SPON1: variants seen among roughly 807,000 people sequenced by gnomAD.
The protein encoded by SPON1 is spondin 1, also known as spondin-1.
In SPON1, 52 loss-of-function variants were observed where a neutral mutation model predicts 111.7. The observed-to-expected ratio is 0.47, with a 90% confidence interval of 0.37 to 0.59. The LOEUF (loss-of-function observed/expected upper bound fraction) is 0.59, where lower values mean the gene tolerates loss of function less well. SPON1 is among the 20% of genes least tolerant of loss of function. SPON1 has a pLI of 0.00. For missense variants in SPON1, 957 were observed against 1,068.5 expected, an observed-to-expected ratio of 0.90 and a Z score of 1.46; for synonymous variants, 410 against 395.8, an observed-to-expected ratio of 1.04 and a Z score of -0.43.
At chr11:14,137,086 A>T (rs1374413626) in intron 6 of SPON1, among the ~76,000 whole-genome samples, 1 of 152,242 alleles carries the variant, frequency 6.6e-6, no homozygotes, top group Non-Finnish European at 1.5e-5. Flanking sequence ...ATCAGGGTCA[A>T]GGGCATCTTC....
chr11:14,030,652 G>A (rs7112850), intron 2 of SPON1, among the ~76,000 whole-genome samples: 44,799 of 152,100 alleles, frequency 0.29, 7,775 homozygotes, highest in South Asian at 0.5. Context: ...AAACTACAAC[G>A]AGGCACCACC....
chr11:14,235,917 G>A (rs557658430), intron 6 of SPON1, among the ~76,000 whole-genome samples: 31 of 152,256 alleles, frequency 2.0e-4, no homozygotes, highest in African/African-American at 7.5e-4. Context: ...TCCAGGCACA[G>A]GGAACAGCAA....
intron 2 of SPON1, among the ~76,000 whole-genome samples, chr11:14,041,310 G>A (rs1440461095): frequency 2.6e-5 from 4 of 152,140 alleles, no homozygotes; most frequent in African/African-American, 4.8e-5. Context: ...GAGCAAAGAT[G>A]TGCCCAGTCT....
At chr11:14,028,105 C>A (rs1266215629) in intron 2 of SPON1, among the ~76,000 whole-genome samples, 1 of 152,146 alleles carries the variant, frequency 6.6e-6, no homozygotes, top group Non-Finnish European at 1.5e-5. Context: ...TTGCTAGTCC[C>A]AGTTTCTGAA....
intron 5 of SPON1, among the ~76,000 whole-genome samples, chr11:14,110,455 A>T (rs1203296631): frequency 6.6e-6 from 1 of 152,188 alleles, no homozygotes; most frequent in East Asian, 1.9e-4. Context: ...AATAAGATAT[A>T]TGTATATAAA....
At chr11:13,986,973 T>C (rs80330543) in intron 2 of SPON1, among the ~76,000 whole-genome samples, 1 of 152,342 alleles carries the variant, frequency 6.6e-6, no homozygotes, top group South Asian at 2.1e-4. Flanking sequence ...TTGATGGACA[T>C]TTGGGTTGGT....
chr11:14,064,008 A>G (rs1848811942), intron 3 of SPON1, among the ~76,000 whole-genome samples: 2 of 152,206 alleles, frequency 1.3e-5, no homozygotes, highest in African/African-American at 4.8e-5. Flanking sequence ...GCTTCTTGCC[A>G]GATTGTGGAC....
Position 14,035,241 on chromosome 11 carries a change from A to G in SPON1, c.346-6280A>G, listed in dbSNP as rs187590307. Among the ~76,000 whole-genome samples the G allele has an allele frequency of 1.6e-3, 238 of 152,232 alleles. 3 individuals are homozygous for G. The highest frequency in any genetic ancestry group is 0.01 in the Middle Eastern group (3 of 294). On this transcript the variant is annotated intron_variant, in intron 2 of 15. Coordinates refer to ENST00000576479, the MANE Select transcript of SPON1 (RefSeq NM_006108.4). Reference sequence around the variant, plus strand: ...TGGCACTATTAGGAGGGACTGTAGCATAGGGGAAAGAGCATGGACATTATG... The same window carrying G: ...TGGCACTATTAGGAGGGACTGTAGCGTAGGGGAAAGAGCATGGACATTATG...
chr11:14,102,938 T>C (rs1554924521), intron 5 of SPON1, among the ~76,000 whole-genome samples: 1 of 152,242 alleles, frequency 6.6e-6, no homozygotes. Flanking sequence ...GGTCCATCTG[T>C]TGCAATAAGC....
At chr11:14,179,197 C>T (rs1045149850) in intron 6 of SPON1, among the ~76,000 whole-genome samples, 3 of 152,086 alleles carry the variant, frequency 2.0e-5, no homozygotes. Context: ...ATGAAGAAAG[C>T]GTCATTCAGC....
At chr11:14,073,091 G>A (rs534010020) in intron 3 of SPON1, among the ~76,000 whole-genome samples, 1 of 152,100 alleles carries the variant, frequency 6.6e-6, no homozygotes, top group South Asian at 2.1e-4. Flanking sequence ...CAAAATTCAT[G>A]CACGTTTCAA....
chr11:14,057,096 T>C (rs1375973001), intron 3 of SPON1, among the ~76,000 whole-genome samples: 1 of 152,046 alleles, frequency 6.6e-6, no homozygotes, highest in African/African-American at 2.4e-5. Flanking sequence ...AATTGGAAAG[T>C]TTGATAAGGA....
At chr11:14,255,826 G>T in intron 9 of SPON1, 39 bp downstream of exon 9, 2 of 1,603,004 alleles carry the variant, frequency 1.2e-6, no homozygotes, top group Non-Finnish European at 8.5e-7. Context: ...GACCTTTCCC[G>T]GTAGGAGTGC....
rs1554928036 is a variant in SPON1 at position 14,135,912 on chromosome 11, C to T, written c.825+344C>T. Among the ~76,000 whole-genome samples the T allele has an allele frequency of 6.6e-6, 1 of 152,194 alleles. No individual in the cohort carries two copies. The highest frequency in any genetic ancestry group is 2.4e-5 in the African/African-American group (1 of 41,444). On this transcript the variant is annotated intron_variant, in intron 6 of 15. Transcript: ENST00000576479. This position sits in a 1 kb window ranked among gnomAD's most constrained non-coding sequence, Gnocchi z 4.4. The stretch of plus-strand genomic sequence containing the variant: ...TTGAGAGGGTCAGAGGAGTAATAGT[C>T]AAGCTGTCCAGCCAAATCCCCAAAA...
intron 5 of SPON1, among the ~76,000 whole-genome samples, chr11:14,091,625 C>T (rs1554923386): frequency 1.3e-5 from 2 of 152,188 alleles, no homozygotes; most frequent in Admixed American, 6.5e-5. Context: ...GCTCCGAGTG[C>T]GGAGCCCGCC....
At chr11:13,981,120 GT>G (rs1206820225) in intron 1 of SPON1, among the ~76,000 whole-genome samples, 1 of 152,168 alleles carries the variant, frequency 6.6e-6, no homozygotes, top group Non-Finnish European at 1.5e-5. Flanking sequence ...TCTGTGCTAG[GT>G]TCTGGGGATA....
chr11:14,088,748 G>T (rs919299816), intron 5 of SPON1, among the ~76,000 whole-genome samples: 1 of 151,804 alleles, frequency 6.6e-6, no homozygotes, highest in Non-Finnish European at 1.5e-5. Context: ...TTCCATTCTT[G>T]TCCTCACTTT....
At chr11:14,065,993 G>T (rs1848829653) in intron 3 of SPON1, among the ~76,000 whole-genome samples, 1 of 152,162 alleles carries the variant, frequency 6.6e-6, no homozygotes, top group African/African-American at 2.4e-5. Context: ...GGCAGGGAGA[G>T]CCAGGGAGGT....
intron 2 of SPON1, 87 bp from the exon 3 acceptor site, chr11:14,041,434 A>G (rs1848630480): frequency 2.0e-6 from 3 of 1,476,460 alleles, no homozygotes; most frequent in Non-Finnish European, 2.8e-6. Context: ...AAGTTTAAAA[A>G]TAAAGTTAAG....
Sources: gnomAD v4.1 joint callset for allele counts (sites outside exome capture counted in the v4.1 genomes callset) on GRCh38, gnomAD v4.1.1 for gene constraint, Gnocchi (gnomAD v3.1) non-coding constraint, MANE v1.5 for transcripts, NCBI Gene and HGNC (gene_info 2026-07-23, HGNC 2026-07-21) for gene names.